ATP2B2: variants seen among roughly 807,000 people sequenced by gnomAD.
ATP2B2 encodes the protein plasma membrane calcium-transporting ATPase 2.
Under a neutral mutation model 120.0 loss-of-function variants are expected in ATP2B2, and 15 were observed. The observed-to-expected ratio is 0.12, with a 90% CI of 0.08 to 0.19. The LOEUF (loss-of-function observed/expected upper bound fraction) is 0.19. Ranked by LOEUF, ATP2B2 falls within the 10% of genes least tolerant of loss-of-function variation. The pLI is 1.00. For missense variants in ATP2B2, 1,045 were observed against 1,719.8 expected (o/e 0.61, Z 6.94); for synonymous variants, 694 against 700.3 (o/e 0.99, Z 0.14).
At chr3:10,400,915 G>T in intron 5 of ATP2B2, 38 bp downstream of exon 5, 1 of 1,613,090 alleles carries the variant, frequency 6.2e-7, no homozygotes. Context: ...CCCTGTGCAT[G>T]GCGACGGGAA....
At chr3:10,466,204 C>T (rs1359351359) in intron 1 of ATP2B2, among the ~76,000 whole-genome samples, 4 of 152,230 alleles carry the variant, frequency 2.6e-5, no homozygotes, top group Non-Finnish European at 5.9e-5. Context: ...AGATTTTCTT[C>T]ATGCTAACAA....
At chr3:10,438,576 C>T (rs1301735964) in intron 2 of ATP2B2, among the ~76,000 whole-genome samples, 2 of 152,244 alleles carry the variant, frequency 1.3e-5, no homozygotes, top group Non-Finnish European at 2.9e-5. Context: ...GGCTGAGGCA[C>T]TAATTTCCAC....
In ATP2B2 at chr3:10,449,632, C is replaced by A; in HGVS notation, c.-89G>T. 3 of 1,511,880 alleles carry A rather than the reference C, an allele frequency of 2.0e-6. No homozygotes were observed. Among genetic ancestry groups the A allele is most frequent in the Non-Finnish European group, 2.7e-6 (3 of 1,091,672 alleles). 93.7% of individuals were successfully genotyped at this position (1,511,880 alleles called of 1,614,324 possible). ...GATGGCTGCTTGTGGCTGTCCTCAG[C>A]ACACCCTCACTGGTCAGCTGTGGCA... is the stretch of plus-strand genomic sequence containing the variant. On this transcript the variant is annotated 5_prime_UTR_variant, in exon 2 of 23. Transcript: ENST00000360273.
At chr3:10,547,783 T>A (rs1184445501) in intron 2 of ATP2B2, among the ~76,000 whole-genome samples, 1 of 152,244 alleles carries the variant, frequency 6.6e-6, no homozygotes, top group Non-Finnish European at 1.5e-5. Flanking sequence ...AAGTCCCTTG[T>A]AAGGCAAAAT....
At chr3:10,331,871 G>A in intron 22 of ATP2B2, 3 of 1,058,416 alleles carry the variant, frequency 2.8e-6, no homozygotes, top group Non-Finnish European at 2.8e-6. Context: ...AAACGCACAG[G>A]CCCTGGTCTG....
At chr3:10,558,368 T>C (rs979903305) in intron 2 of ATP2B2, among the ~76,000 whole-genome samples, 1 of 152,130 alleles carries the variant, frequency 6.6e-6, no homozygotes, top group African/African-American at 2.4e-5. Context: ...AGATCATTGC[T>C]AGGACTGCAG....
At chr3:10,524,568 T>C (rs2125460975) in intron 3 of ATP2B2, among the ~76,000 whole-genome samples, 1 of 152,282 alleles carries the variant, frequency 6.6e-6, no homozygotes, top group East Asian at 1.9e-4. Flanking sequence ...GAATGGCCAG[T>C]CTTATGGCTT....
At chr3:10,513,452 G>T (rs2066814704) in intron 3 of ATP2B2, among the ~76,000 whole-genome samples, 1 of 152,224 alleles carries the variant, frequency 6.6e-6, no homozygotes, top group African/African-American at 2.4e-5. Context: ...TCCTTACCCT[G>T]GGAAGGGGGG....
chr3:10,578,930 G>A (rs62240189), intron 2 of ATP2B2, among the ~76,000 whole-genome samples: 23,065 of 152,178 alleles, frequency 0.15, 1,962 homozygotes, highest in South Asian at 0.24. Context: ...ACTGGGAAGG[G>A]GCGGTGGCCT....
At chr3:10,487,283 CACAG>C (rs1293869825) in intron 1 of ATP2B2, among the ~76,000 whole-genome samples, 44 of 152,122 alleles carry the variant, frequency 2.9e-4, no homozygotes, top group African/African-American at 1.0e-3. Flanking sequence ...GACACACACA[CACAG>C]ACAAACACAG....
At chr3:10,494,818 G>A (rs976368050) in intron 1 of ATP2B2, among the ~76,000 whole-genome samples, 4 of 152,246 alleles carry the variant, frequency 2.6e-5, no homozygotes, top group Admixed American at 6.5e-5. Context: ...TGGGGGCTAC[G>A]TACATATCTC....
chr3:10,361,372 T>C (rs2060894772), intron 12 of ATP2B2, among the ~76,000 whole-genome samples: 1 of 152,248 alleles, frequency 6.6e-6, no homozygotes, highest in Non-Finnish European at 1.5e-5. Context: ...TTTATGGCTC[T>C]AGTGTGTTCC....
chr3:10,385,050 C>A (rs2061634422), intron 8 of ATP2B2, among the ~76,000 whole-genome samples: 1 of 152,226 alleles, frequency 6.6e-6, no homozygotes, highest in Admixed American at 6.5e-5. Context: ...GAGCCAGCAC[C>A]TTTTTGGCAG....
chr3:10,372,866 G>A (rs2061282373), intron 11 of ATP2B2, among the ~76,000 whole-genome samples: 1 of 152,146 alleles, frequency 6.6e-6, no homozygotes, highest in Admixed American at 6.5e-5. Flanking sequence ...TGCAAATGAA[G>A]TAATTCTCAA....
rs60670471 is a variant in ATP2B2, at chr3:10,585,493, GA to G, written c.-415+34423del. On this transcript the variant is annotated intron_variant, in intron 2 of 21. Coordinates refer to the ATP2B2 transcript ENST00000646379. ...TGGGCGACAGAGCGAGACTCCGTCTGAAAAAAAAAAAAAAAAAAAAAAAAGA... is the reference window on the plus strand; with the variant it reads ...TGGGCGACAGAGCGAGACTCCGTCTGAAAAAAAAAAAAAAAAAAAAAAAGA... Among the ~76,000 whole-genome samples, 147 of 28,490 alleles carry G rather than the reference GA, an allele frequency of 5.2e-3. 3 individuals carry two copies. Among genetic ancestry groups the G allele is most frequent in the Middle Eastern group, 0.029 (1 of 34 alleles). 18.7% of individuals were successfully genotyped at this position (28,490 alleles called of 152,430 possible).
chr3:10,708,070 G>GCCTC (rs2071929563), upstream of ATP2B2: 1 of 15,216 alleles, frequency 6.6e-5, no homozygotes, highest in Admixed American at 9.0e-4. Flanking sequence ...CCGCCCGCCC[G>GCCTC]CCTCCCTCCC....
intron 18 of ATP2B2, among the ~76,000 whole-genome samples, chr3:10,344,236 T>C (rs1013457008): frequency 1.3e-5 from 2 of 152,132 alleles, no homozygotes; most frequent in African/African-American, 4.8e-5. Context: ...AAACTGATAG[T>C]GGTCTCAGAA....
chr3:10,358,581 T>C (rs1241780824), intron 14 of ATP2B2, 110 bp downstream of exon 14: 5 of 1,017,886 alleles, frequency 4.9e-6, no homozygotes, highest in Non-Finnish European at 7.5e-6. Flanking sequence ...CCATGGGCAT[T>C]ATGTGGAAAC....
chr3:10,606,880 A>AAC (rs147614282), intron 2 of ATP2B2, among the ~76,000 whole-genome samples: 3,728 of 99,546 alleles, frequency 0.037, 89 homozygotes, highest in East Asian at 0.14. Context: ...ACGGAGTCTA[A>AAC]ACACACACAC....
Sources: allele counts gnomAD v4.1 joint callset (sites outside exome capture counted in the v4.1 genomes callset), GRCh38; gene constraint gnomAD v4.1.1; transcripts MANE v1.5; gene names NCBI Gene and HGNC (gene_info 2026-07-23, HGNC 2026-07-21).